Variants in FAR2 observed in about 807,000 individuals in gnomAD.
The protein encoded by FAR2 is epididymis secretory protein Li 81.
A neutral mutation model predicts 56.0 loss-of-function variants in FAR2; 19 were observed. The observed-to-expected ratio is 0.34, with a 90% CI of 0.24 to 0.50. FAR2 has a LOEUF of 0.50. Ranked by LOEUF, FAR2 falls within the 20% of genes least tolerant of loss-of-function variation. The probability of loss-of-function intolerance (pLI) is 0.98; values close to 1 mark genes in which losing one functional copy is unlikely to be tolerated. For missense variants in FAR2, 508 were observed against 642.2 expected, an observed-to-expected ratio of 0.79 and a Z score of 2.26; for synonymous variants, 219 against 218.8, an observed-to-expected ratio of 1.00 and a Z score of -0.01.
At chr12:29,253,828 G>C (rs4412790) in intron 1 of FAR2, among the ~76,000 whole-genome samples, 85,137 of 152,086 alleles carry the variant, frequency 0.56, 24,373 homozygotes, top group African/African-American at 0.67. Flanking sequence ...AGGATGTTTA[G>C]ACATTCATTG....
chr12:29,219,297 C>G (rs2136637359), intron 1 of FAR2, among the ~76,000 whole-genome samples: 1 of 152,182 alleles, frequency 6.6e-6, no homozygotes, highest in East Asian at 1.9e-4. Flanking sequence ...AAGTAATGTT[C>G]AATACGTAAA....
intron 1 of FAR2, among the ~76,000 whole-genome samples, chr12:29,182,171 T>C (rs1238877880): frequency 1.3e-5 from 2 of 152,196 alleles, no homozygotes; most frequent in Non-Finnish European, 2.9e-5. Flanking sequence ...ACAGCAGGTG[T>C]TACAGCCCTT....
chr12:29,298,489 A>G (rs1046103605), intron 4 of FAR2, among the ~76,000 whole-genome samples: 1 of 152,178 alleles, frequency 6.6e-6, no homozygotes, highest in African/African-American at 2.4e-5. Context: ...CTCTGAGAAT[A>G]GATATTTTTG....
chr12:29,316,943 A>G lies in FAR2; in HGVS notation c.1058A>G (p.Asn353Ser), dbSNP rs760624978. Residue 353 changes from asparagine (N) to serine (S), a missense_variant, in exon 9 of 12, where the codon AAT becomes AGT. By Grantham distance (46) the Asn-to-Ser change is conservative. Coordinates refer to ENST00000536681, the MANE Select transcript of FAR2 (RefSeq NM_001271783.2). ...TSNSFTSQYW[N>S]AVSHRAPAII... ...AACAGCTTCACATCACAGTACTGGA[A>G]TGCGGTCAGCCACCGGGCCCCTGCC... 1 of 1,614,124 alleles carries G rather than the reference A, an allele frequency of 6.2e-7. No individual in the cohort carries two copies. Among genetic ancestry groups the G allele is most frequent in the East Asian group, 2.2e-5 (1 of 44,876 alleles).
chr12:29,196,930 C>T (rs1304561940), intron 1 of FAR2, among the ~76,000 whole-genome samples: 1 of 152,088 alleles, frequency 6.6e-6, no homozygotes, highest in Admixed American at 6.6e-5. Flanking sequence ...GAAAAACCAT[C>T]TCATTAAAAA....
At chr12:29,178,241 T>G (rs1949957662) in intron 1 of FAR2, among the ~76,000 whole-genome samples, 2 of 152,160 alleles carry the variant, frequency 1.3e-5, no homozygotes, top group African/African-American at 4.8e-5. Flanking sequence ...CTATTTTATG[T>G]TCTTAAAACT....
At chr12:29,170,031 A>G (rs1423972795) in intron 1 of FAR2, among the ~76,000 whole-genome samples, 2 of 152,194 alleles carry the variant, frequency 1.3e-5, no homozygotes, top group African/African-American at 2.4e-5. Context: ...TGGGATTTCA[A>G]TTATTCTTTG....
At chr12:29,150,704 C>G (rs1419778633) in intron 1 of FAR2, among the ~76,000 whole-genome samples, 4 of 152,160 alleles carry the variant, frequency 2.6e-5, no homozygotes, top group Admixed American at 2.6e-4. Context: ...AGGTTTTTAC[C>G]AGGCCGACGC....
chr12:29,195,778 T>C (rs1950138922), intron 1 of FAR2, among the ~76,000 whole-genome samples: 1 of 152,148 alleles, frequency 6.6e-6, no homozygotes, highest in Non-Finnish European at 1.5e-5. Context: ...TGCATAGCAG[T>C]GAGGTCTGGG....
chr12:29,259,924 G>A (rs2136691210), intron 1 of FAR2, among the ~76,000 whole-genome samples: 1 of 152,222 alleles, frequency 6.6e-6, no homozygotes, highest in Admixed American at 6.5e-5. Flanking sequence ...TGAGCATGAG[G>A]GGTAGGAAAT....
chr12:29,246,096 T>G (rs900428765), intron 1 of FAR2, among the ~76,000 whole-genome samples: 1 of 151,834 alleles, frequency 6.6e-6, no homozygotes, highest in East Asian at 1.9e-4. Context: ...TTTTAATATA[T>G]ACATCAAATT....
At chr12:29,267,045 G>A (rs747458517) in intron 1 of FAR2, among the ~76,000 whole-genome samples, 1 of 152,078 alleles carries the variant, frequency 6.6e-6, no homozygotes, top group Non-Finnish European at 1.5e-5. Flanking sequence ...ATTTATTTAT[G>A]CCTAATATCC....
At chr12:29,257,919 A>G (rs1037700793) in intron 1 of FAR2, among the ~76,000 whole-genome samples, 4 of 152,314 alleles carry the variant, frequency 2.6e-5, no homozygotes, top group Non-Finnish European at 4.4e-5. Context: ...ATCACACCCT[A>G]CCTAAATTGC....
chr12:29,245,171 G>A (rs1358379607), intron 1 of FAR2, among the ~76,000 whole-genome samples: 1 of 152,082 alleles, frequency 6.6e-6, no homozygotes, highest in Non-Finnish European at 1.5e-5. Flanking sequence ...AGTAAGAGAC[G>A]GGGTTTCACC....
intron 1 of FAR2, among the ~76,000 whole-genome samples, chr12:29,184,520 C>T (rs147390266): frequency 3.3e-5 from 5 of 149,960 alleles, no homozygotes; most frequent in South Asian, 2.1e-4. Flanking sequence ...CTGCAACCTC[C>T]GCTTCCCAGG....
rs529507489 is a variant in FAR2, at chr12:29,311,769, GC to G, written c.888-112del. 1.4e-3 allele frequency: 940 copies of G among 680,966 alleles called. 7 individuals carry two copies. Among genetic ancestry groups the G allele is most frequent in the African/African-American group, 0.011 (611 of 54,756 alleles). The allele number at this position is 680,966 out of a possible 1,614,324, so 42.2% of individuals were successfully genotyped here. ...GAACGATGGAAGCCTTTCATAGGTTGCCTTAATCAGATGAATTACTGAAACC... is the reference window on the plus strand; with the variant it reads ...GAACGATGGAAGCCTTTCATAGGTTGCTTAATCAGATGAATTACTGAAACC... On this transcript the variant is annotated intron_variant, in intron 7 of 11. Coordinates refer to ENST00000536681, the MANE Select transcript of FAR2 (RefSeq NM_001271783.2).
intron 10 of FAR2, among the ~76,000 whole-genome samples, chr12:29,331,007 A>G (rs1949723413): frequency 6.6e-6 from 1 of 152,218 alleles, no homozygotes; most frequent in African/African-American, 2.4e-5. Context: ...TCTATAATTC[A>G]TTAATAGCAA....
At chr12:29,298,326 G>A (rs1403811400) in intron 4 of FAR2, among the ~76,000 whole-genome samples, 11 of 149,582 alleles carry the variant, frequency 7.4e-5, no homozygotes, top group African/African-American at 2.7e-4. Context: ...TATATAAAAA[G>A]TATTATAGCA....
At chr12:29,244,681 A>G (rs987932664) in intron 1 of FAR2, among the ~76,000 whole-genome samples, 1 of 152,232 alleles carries the variant, frequency 6.6e-6, no homozygotes, top group African/African-American at 2.4e-5. Context: ...AAGTGAATCT[A>G]TTGTTCCCAC....
Sources: allele counts gnomAD v4.1 joint callset (sites outside exome capture counted in the v4.1 genomes callset), GRCh38; gene constraint gnomAD v4.1.1; transcripts MANE v1.5; gene names NCBI Gene and HGNC (gene_info 2026-07-23, HGNC 2026-07-21).